Variants in SEMA6D observed in about 807,000 individuals in gnomAD.
The protein encoded by SEMA6D is semaphorin-6D.
In SEMA6D, 35 loss-of-function variants were observed where a neutral mutation model predicts 106.6. The observed-to-expected ratio is 0.33, with a 90% CI of 0.25 to 0.44. The LOEUF is 0.44. SEMA6D is among the 20% of genes least tolerant of loss of function. SEMA6D has a pLI of 1.00. For synonymous variants in SEMA6D, 499 were observed against 487.7 expected, an observed-to-expected ratio of 1.02 and a Z score of -0.31; for missense variants, 1,185 against 1,345.9, an observed-to-expected ratio of 0.88 and a Z score of 1.87.
At chr15:47,608,735 T>C (rs1472341870) in intron 4 of SEMA6D, among the ~76,000 whole-genome samples, 1 of 152,156 alleles carries the variant, frequency 6.6e-6, no homozygotes, top group Non-Finnish European at 1.5e-5. Flanking sequence ...TAATTCAATC[T>C]CCTTCTGCCC....
intron 3 of SEMA6D, among the ~76,000 whole-genome samples, chr15:47,559,990 A>G (rs1274620504): frequency 6.6e-6 from 1 of 152,170 alleles, no homozygotes; most frequent in Admixed American, 6.6e-5. Flanking sequence ...AAAATAAATG[A>G]TAATACTGAG....
chr15:47,632,228 G>C (rs1224042270), intron 4 of SEMA6D, among the ~76,000 whole-genome samples: 1 of 151,834 alleles, frequency 6.6e-6, no homozygotes, highest in Non-Finnish European at 1.5e-5. Flanking sequence ...GCAAGTTATG[G>C]TCTATGTTGA....
At chr15:47,432,966 AT>A (rs2041586963) in intron 2 of SEMA6D, among the ~76,000 whole-genome samples, 1 of 152,090 alleles carries the variant, frequency 6.6e-6, no homozygotes, top group Non-Finnish European at 1.5e-5. Flanking sequence ...GGGTAAAATG[AT>A]TTTATTACTT....
intron 1 of SEMA6D, among the ~76,000 whole-genome samples, chr15:47,343,619 G>T (rs2037919434): frequency 1.3e-5 from 2 of 152,184 alleles, no homozygotes; most frequent in East Asian, 3.9e-4. Context: ...GTATTCCATG[G>T]TGTATATGTG....
chr15:47,638,385 A>G (rs2077429295), intron 4 of SEMA6D, among the ~76,000 whole-genome samples: 1 of 152,218 alleles, frequency 6.6e-6, no homozygotes, highest in African/African-American at 2.4e-5. Context: ...CATTTTGTGT[A>G]TGACTCAATA....
intron 3 of SEMA6D, among the ~76,000 whole-genome samples, chr15:47,519,396 G>T (rs2044497106): frequency 6.6e-6 from 1 of 152,106 alleles, no homozygotes; most frequent in Non-Finnish European, 1.5e-5. Context: ...TGACATATAT[G>T]CAGTCCATCA....
chr15:47,486,552 C>T (rs980023650), intron 3 of SEMA6D, among the ~76,000 whole-genome samples: 1 of 152,188 alleles, frequency 6.6e-6, no homozygotes, highest in Non-Finnish European at 1.5e-5. Context: ...TGCCAGACAG[C>T]TGGACGTGCA....
intron 1 of SEMA6D, among the ~76,000 whole-genome samples, chr15:47,744,532 C>A (rs1422111994): frequency 6.6e-6 from 1 of 152,128 alleles, no homozygotes; most frequent in East Asian, 1.9e-4. Context: ...CGAAGAGACA[C>A]TTAAAGGCCG....
intron 4 of SEMA6D, among the ~76,000 whole-genome samples, chr15:47,671,947 C>T (rs148030185): frequency 6.6e-6 from 1 of 152,142 alleles, no homozygotes; most frequent in Non-Finnish European, 1.5e-5. Flanking sequence ...GCATTTACAG[C>T]ATGCCAAATA....
rs7177776 is a variant in SEMA6D, at chr15:47,320,510, A to G, written c.-238-91883A>G. Among the ~76,000 whole-genome samples the G allele has an allele frequency of 8.1e-3, 1,229 of 152,288 alleles. 25 individuals carry two copies. The highest frequency in any genetic ancestry group is 0.028 in the African/African-American group (1,166 of 41,566). ...GTTTTTAAAGCTTTAGCTCCCCAAC[A>G]TGTTAGAAAGATCATCTTGCCCTGG... On this transcript the variant is annotated intron_variant, in intron 1 of 19. Coordinates refer to the SEMA6D transcript ENST00000558014.
chr15:47,745,045 C>T (rs188352807), intron 1 of SEMA6D, among the ~76,000 whole-genome samples: 1 of 152,260 alleles, frequency 6.6e-6, no homozygotes, highest in East Asian at 1.9e-4. Flanking sequence ...TCCCTATTAT[C>T]TCCAGGTGTG....
intron 3 of SEMA6D, among the ~76,000 whole-genome samples, chr15:47,553,543 G>A (rs1408244777): frequency 6.6e-6 from 1 of 152,106 alleles, no homozygotes; most frequent in East Asian, 1.9e-4. Context: ...GGCTACTGAT[G>A]TATTGTACCA....
intron 1 of SEMA6D, among the ~76,000 whole-genome samples, chr15:47,285,166 G>A (rs1430303385): frequency 6.6e-6 from 1 of 152,140 alleles, no homozygotes; most frequent in East Asian, 1.9e-4. Context: ...TAGTTGAGAG[G>A]TTAATATTGC....
intron 1 of SEMA6D, among the ~76,000 whole-genome samples, chr15:47,294,479 C>T (rs551004889): frequency 7.2e-5 from 11 of 152,250 alleles, no homozygotes; most frequent in African/African-American, 2.6e-4. Flanking sequence ...ACCTTGGCCT[C>T]CCAAAGTATT....
At chr15:47,679,820 C>T (rs1018194913) in intron 4 of SEMA6D, among the ~76,000 whole-genome samples, 1 of 152,132 alleles carries the variant, frequency 6.6e-6, no homozygotes, top group Non-Finnish European at 1.5e-5. Flanking sequence ...GCTGTTTGGT[C>T]CCCATGCCAA....
intron 2 of SEMA6D, among the ~76,000 whole-genome samples, chr15:47,421,672 G>T (rs934422386): frequency 6.6e-6 from 1 of 151,954 alleles, no homozygotes; most frequent in South Asian, 2.1e-4. Context: ...GTTGGGATGG[G>T]GAGGTATTAG....
intron 3 of SEMA6D, among the ~76,000 whole-genome samples, chr15:47,493,220 G>A (rs966122620): frequency 1.6e-4 from 25 of 152,182 alleles, no homozygotes; most frequent in African/African-American, 5.6e-4. Context: ...TAAGGCACAG[G>A]TGAACAACAG....
chr15:47,381,804 A>T (rs528990840), intron 1 of SEMA6D, among the ~76,000 whole-genome samples: 5 of 152,340 alleles, frequency 3.3e-5, no homozygotes, highest in African/African-American at 1.2e-4. Flanking sequence ...TGTAGCCACC[A>T]TGAACAAACC....
intron 3 of SEMA6D, among the ~76,000 whole-genome samples, chr15:47,543,250 G>C (rs2045411432): frequency 6.6e-6 from 1 of 152,134 alleles, no homozygotes; most frequent in African/African-American, 2.4e-5. Context: ...GTTTGGCTGT[G>C]TGCTCACCCA....
Sources: gnomAD v4.1 joint callset for allele counts (sites outside exome capture counted in the v4.1 genomes callset) on GRCh38, gnomAD v4.1.1 for gene constraint, MANE v1.5 for transcripts, NCBI Gene and HGNC (gene_info 2026-07-23, HGNC 2026-07-21) for gene names.